SEMA4F: variants seen among roughly 807,000 people sequenced by gnomAD.
SEMA4F encodes the protein ssemaphorin 4F.
A neutral mutation model predicts 78.4 loss-of-function variants in SEMA4F; 51 were observed. The ratio of observed to expected loss-of-function variants is 0.65; its 90% CI spans 0.52 to 0.82. The LOEUF (loss-of-function observed/expected upper bound fraction) is 0.82, where lower values mean the gene tolerates loss of function less well. Among genes scored for constraint, SEMA4F ranks in the 40% least tolerant of loss-of-function variants. The pLI is 0.00. For synonymous variants in SEMA4F, 418 were observed against 408.7 expected (o/e 1.02, Z -0.27); for missense variants, 938 against 1,014.4 (o/e 0.92, Z 1.02).
rs373066053 is a variant in SEMA4F, at chr2:74,662,805, G to A, written c.530G>A (p.Arg177Gln). 13 of 1,614,052 alleles carry A rather than the reference G, an allele frequency of 8.1e-6. No homozygotes were observed. Among genetic ancestry groups the A allele is most frequent in the Admixed American group, 3.3e-5 (2 of 60,010 alleles). ...RGKCPFEPAQ[R>Q]SAAVMAGGVL... ...AAATGTCCTTTTGAGCCAGCTCAGC[G>A]GTCAGCAGCTGTAATGGCTGGTGAG... Residue 177 changes from arginine (R) to glutamine (Q), a missense_variant, in exon 5 of 14, where the codon CGG becomes CAG. Transcript: ENST00000357877.
chr2:74,688,831 A>G (rs1281005559), downstream of SEMA4F, among the ~76,000 whole-genome samples: 1 of 152,202 alleles, frequency 6.6e-6, no homozygotes. Flanking sequence ...TTACATAGAA[A>G]ATCTATAGCT....
chr2:74,663,158 T>C (rs1000344530), intron 5 of SEMA4F, among the ~76,000 whole-genome samples: 1 of 152,192 alleles, frequency 6.6e-6, no homozygotes, highest in African/African-American at 2.4e-5. Context: ...TTGGAAAAAG[T>C]ATAAAGAAGA....
chr2:74,657,660 T>TTG lies in SEMA4F; in HGVS notation c.357+37_357+38dup, dbSNP rs1684223968. 4 of 1,604,244 alleles carry TTG rather than the reference T, an allele frequency of 2.5e-6. No individual in the cohort carries two copies. The Admixed American group carries it at 5.0e-5, about 20-fold the overall frequency. On this transcript the variant is annotated intron_variant, in intron 3 of 13. Coordinates refer to ENST00000357877, the MANE Select transcript of SEMA4F (RefSeq NM_004263.5). ...ATCTGAGCCCTGTCTTGAGTGTCAG[T>TTG]TGAGACCTTGGCCCAGCCCTGACTC...
downstream of SEMA4F, among the ~76,000 whole-genome samples, chr2:74,686,573 G>T (rs778743476): frequency 6.6e-6 from 1 of 152,198 alleles, no homozygotes; most frequent in Non-Finnish European, 1.5e-5. Context: ...AAAGACACGT[G>T]CACACGTATG....
At chr2:74,666,992 G>T (rs1490279897) in intron 5 of SEMA4F, among the ~76,000 whole-genome samples, 1 of 152,092 alleles carries the variant, frequency 6.6e-6, no homozygotes, top group Non-Finnish European at 1.5e-5. Context: ...TTATTTTGGA[G>T]TATTTTGAGT....
intron 12 of SEMA4F, among the ~76,000 whole-genome samples, 182 bp downstream of exon 12, chr2:74,676,091 A>G (rs1156465282): frequency 2.0e-5 from 3 of 152,110 alleles, no homozygotes; most frequent in Non-Finnish European, 2.9e-5. Flanking sequence ...TTGTCCATCT[A>G]GTGCTACCTC....
chr2:74,698,848 A>G, the SEMA4F span, among the ~76,000 whole-genome samples: 2 of 152,076 alleles, frequency 1.3e-5, no homozygotes, highest in Non-Finnish European at 2.9e-5. Context: ...AGGGCCCCCA[A>G]CAGCAAACCA....
At chr2:74,677,739 A>G (rs560012061) in intron 12 of SEMA4F, among the ~76,000 whole-genome samples, 79 of 152,240 alleles carry the variant, frequency 5.2e-4, no homozygotes, top group Non-Finnish European at 1.1e-3. Flanking sequence ...AACCTCAAGT[A>G]TATACAAAAT....
rs767256894 is a variant in SEMA4F at position 74,675,773 on chromosome 2, A to G, written c.1507A>G (p.Thr503Ala). 6.2e-7 allele frequency: 1 copy of G among 1,614,184 alleles called. No homozygotes were observed. Among genetic ancestry groups the G allele is most frequent in the South Asian group, 1.1e-5 (1 of 91,080 alleles). The stretch of plus-strand genomic sequence containing the variant: ...GAGCTGGCTCCTGGTTGGCTCCCGT[A>G]CTGAGGTGACACAAGTGAATACAAC... Reference protein sequence around the residue: ...YHSWLLVGSRTEVTQVNTTNC... With the variant: ...YHSWLLVGSRAEVTQVNTTNC... Residue 503 changes from threonine to alanine, a missense_variant, in exon 12 of 14, where the codon ACT (threonine) becomes GCT (alanine). Coordinates refer to ENST00000357877, the MANE Select transcript of SEMA4F (RefSeq NM_004263.5).
At chr2:74,672,892 C>A (rs1468001326) in intron 5 of SEMA4F, among the ~76,000 whole-genome samples, 1 of 152,210 alleles carries the variant, frequency 6.6e-6, no homozygotes, top group East Asian at 1.9e-4. Flanking sequence ...AATGCAGGTT[C>A]TTGAGCCAAG....
chr2:74,671,415 G>C (rs572102530), intron 5 of SEMA4F, among the ~76,000 whole-genome samples: 2 of 152,256 alleles, frequency 1.3e-5, no homozygotes, highest in African/African-American at 4.8e-5. Flanking sequence ...ACTCTCTGCT[G>C]CTTCCCCCAG....
At chr2:74,678,907 C>T (rs999669187) in intron 12 of SEMA4F, among the ~76,000 whole-genome samples, 28 of 151,890 alleles carry the variant, frequency 1.8e-4, no homozygotes, top group African/African-American at 6.3e-4. Context: ...AAAAAAAATC[C>T]CTATAGTTTT....
chr2:74,675,957 C>G (rs1432427023), intron 12 of SEMA4F, 48 bp downstream of exon 12: 1 of 1,563,706 alleles, frequency 6.4e-7, no homozygotes, highest in African/African-American at 1.4e-5. Context: ...AGGGCTCTGT[C>G]CCATCCATAT....
intron 5 of SEMA4F, among the ~76,000 whole-genome samples, chr2:74,672,933 C>T (rs901498450): frequency 1.3e-5 from 2 of 152,186 alleles, no homozygotes; most frequent in South Asian, 4.1e-4. Flanking sequence ...ATTGCTGGCC[C>T]AGGGATCTGC....
In SEMA4F at chr2:74,680,004, G is replaced by T. The variant is rs1685514810; in HGVS notation, c.2108G>T (p.Gly703Val). The T allele has an allele frequency of 6.2e-7, 1 of 1,614,038 alleles. No individual in the cohort carries two copies. Among genetic ancestry groups the T allele is most frequent in the Non-Finnish European group, 8.5e-7 (1 of 1,180,030 alleles). ...AGAGACAAGGTGGGCCTGGACCTGG[G>T]GGCTCCACCTTCTGGGACCACAAGC... The part of the protein sequence containing the change: ...LARDKVGLDL[G>V]APPSGTTSYS... Residue 703 changes from glycine to valine, a missense_variant, in exon 14 of 14, where the codon GGG becomes GTG. Physicochemically the swap from Gly to Val is moderately radical, Grantham distance 109. Transcript: ENST00000357877.
chr2:74,675,282 C>T lies in SEMA4F; in HGVS notation c.1270C>T (p.His424Tyr). ...CAGGCCAGTGTTTCCAGCTGATGGC[C>T]ACCCCCTGCTGGTCACTACAGATAC... is the stretch of plus-strand genomic sequence containing the variant. ...MDRPVFPADG[H>Y]PLLVTTDTAY... Residue 424 changes from histidine (H) to tyrosine (Y), a missense_variant, in exon 10 of 14, where the codon CAC (histidine) becomes TAC (tyrosine). Physicochemically the swap from His to Tyr is moderately conservative, Grantham distance 83. Coordinates refer to ENST00000357877, the MANE Select transcript of SEMA4F (RefSeq NM_004263.5). The T allele has an allele frequency of 6.2e-7, 1 of 1,614,190 alleles. No individual in the cohort carries two copies. The highest frequency in any genetic ancestry group is 8.5e-7 in the Non-Finnish European group (1 of 1,180,022).
At chr2:74,657,828 C>A (rs537886997) in intron 3 of SEMA4F, 25 bp from the exon 4 acceptor site, 29 of 1,604,676 alleles carry the variant, frequency 1.8e-5, no homozygotes, top group African/African-American at 5.4e-5. Context: ...GCTTCTGATT[C>A]TTTCTAACCG....
In SEMA4F at chr2:74,683,193, T is replaced by A. The variant is rs1165623943; in HGVS notation, c.*2984T>A. The A allele has an allele frequency of 2.6e-5, 4 of 152,222 alleles. No individual in the cohort carries two copies. The highest frequency in any genetic ancestry group is 6.5e-5 in the Admixed American group (1 of 15,282). The allele number at this position is 152,222 out of a possible 1,614,324, so 9.4% of individuals were successfully genotyped here. A position where few individuals can be genotyped will look rare whatever the true frequency, so the allele number is the denominator to read the frequency against. ...CAGGGATTCTCTGAAGATTAATGAT[T>A]GAGAAGGATGATTGGACCTGTCTAG... On this transcript the variant is annotated 3_prime_UTR_variant, in exon 14 of 14. Coordinates refer to ENST00000357877, the MANE Select transcript of SEMA4F (RefSeq NM_004263.5).
intron 7 of SEMA4F, 95 bp downstream of exon 7, chr2:74,673,923 C>A: frequency 2.2e-6 from 3 of 1,376,388 alleles, no homozygotes; most frequent in Non-Finnish European, 3.0e-6. Flanking sequence ...TTGAATCTCT[C>A]CTGTGTCTCC....
Sources: allele counts gnomAD v4.1 joint callset (sites outside exome capture counted in the v4.1 genomes callset), GRCh38; gene constraint gnomAD v4.1.1; transcripts MANE v1.5; gene names NCBI Gene and HGNC (gene_info 2026-07-23, HGNC 2026-07-21).